The following WWOX variants were observed in gnomAD, a reference collection of about 807,000 sequenced individuals.
The protein encoded by WWOX is WW domain-containing oxidoreductase.
In WWOX, 69 loss-of-function variants were observed where a neutral mutation model predicts 46.2. That is an observed-to-expected ratio of 1.49 (90% CI 1.23 to 1.82). The LOEUF (loss-of-function observed/expected upper bound fraction) is 1.82, where lower values mean the gene tolerates loss of function less well. WWOX is among the 40% of genes most tolerant of loss of function. The pLI is 0.00. For synonymous variants in WWOX, 359 were observed against 202.6 expected (o/e 1.77, Z -6.56); for missense variants, 919 against 542.6 (o/e 1.69, Z -6.89).
intron 8 of WWOX, among the ~76,000 whole-genome samples, chr16:78,887,283 G>A (rs1241403109): frequency 6.6e-6 from 1 of 151,144 alleles, no homozygotes; most frequent in Middle Eastern, 3.2e-3. Flanking sequence ...ATTCCCCTGT[G>A]GATTTCTCCT....
At chr16:79,186,843 TC>T (rs1337698924) in intron 8 of WWOX, among the ~76,000 whole-genome samples, 1 of 152,108 alleles carries the variant, frequency 6.6e-6, no homozygotes, top group Non-Finnish European at 1.5e-5. Context: ...TCACCTTTTC[TC>T]CTTTTCTCCC....
intron 5 of WWOX, among the ~76,000 whole-genome samples, chr16:78,249,640 G>A (rs72790031): frequency 6.6e-6 from 1 of 152,322 alleles, no homozygotes; most frequent in Non-Finnish European, 1.5e-5. Context: ...AACAGTGCAA[G>A]TGGGGAGATC....
At position 78,655,142 on chromosome 16, in the gene WWOX, C is replaced by T. The variant is rs140816691; in HGVS notation, c.1056+222390C>T. ...AAGGAAACTCGGCTCAAACTAGCTT[C>T]GGGGACTCGCTGTGGCCATAGGTGC... On this transcript the variant is annotated intron_variant, in intron 8 of 8. Transcript: ENST00000566780. 3.6e-4 allele frequency among the ~76,000 whole-genome samples: 55 copies of T among 152,146 alleles called. No homozygotes were observed. In the East Asian group the frequency reaches 8.5e-3, roughly 24 times the overall value.
chr16:78,883,132 T>A lies in WWOX; in HGVS notation c.1057-328476T>A, dbSNP rs74486864. On this transcript the variant is annotated intron_variant, in intron 8 of 8. Transcript: ENST00000566780. ...CAGGAAGAATTGATCACCTTTTGGA[T>A]GCCACCACACATGCCTAGGCACAAA... 7.9e-4 allele frequency among the ~76,000 whole-genome samples: 120 copies of A among 152,320 alleles called. No individual in the cohort carries two copies. The East Asian group carries it at 0.02, about 26-fold the overall frequency.
chr16:78,134,160 A>T (rs958272550), intron 4 of WWOX, among the ~76,000 whole-genome samples: 2 of 152,230 alleles, frequency 1.3e-5, no homozygotes, highest in African/African-American at 4.8e-5. Flanking sequence ...CTCAAATATT[A>T]GCATTGGATT....
chr16:78,521,420 A>G (rs1157920543), intron 8 of WWOX, among the ~76,000 whole-genome samples: 2 of 152,104 alleles, frequency 1.3e-5, no homozygotes, highest in African/African-American at 4.8e-5. Flanking sequence ...GCAGAATATC[A>G]GAAACAGAGA....
At chr16:78,697,297 C>G (rs35512879) in intron 8 of WWOX, among the ~76,000 whole-genome samples, 13 of 152,164 alleles carry the variant, frequency 8.5e-5, no homozygotes, top group African/African-American at 2.2e-4. Flanking sequence ...TAGAAGTGTT[C>G]CCTGCTCACC....
intron 8 of WWOX, among the ~76,000 whole-genome samples, chr16:78,677,335 A>G (rs149963025): frequency 2.0e-5 from 3 of 152,316 alleles, no homozygotes; most frequent in Admixed American, 6.5e-5. Flanking sequence ...TGAAAACTCA[A>G]TGTTGAGATT....
intron 8 of WWOX, among the ~76,000 whole-genome samples, chr16:78,668,435 G>C (rs72794801): frequency 0.031 from 4,660 of 152,306 alleles, 95 homozygotes; most frequent in Non-Finnish European, 0.048. Flanking sequence ...GACATTCCAA[G>C]ATTCCATTCT....
At chr16:78,941,598 G>A (rs554244096) in intron 8 of WWOX, among the ~76,000 whole-genome samples, 1 of 152,046 alleles carries the variant, frequency 6.6e-6, no homozygotes, top group African/African-American at 2.4e-5. Context: ...CCCACAGTGA[G>A]GTACACCTTT....
chr16:78,121,863 G>A lies in WWOX; in HGVS notation c.409+6709G>A, dbSNP rs574301321. On this transcript the variant is annotated intron_variant, in intron 4 of 8. Transcript: ENST00000566780. ...TTTAGTAGAGACAAGGTTTTGCCAT[G>A]TTGTCCATACAGGTCTTGAACTCCT... Among the ~76,000 whole-genome samples, 116 of 152,110 alleles carry A rather than the reference G, an allele frequency of 7.6e-4. 1 individual carries two copies. The highest frequency in any genetic ancestry group is 1.4e-3 in the Non-Finnish European group (92 of 68,012).
intron 8 of WWOX, among the ~76,000 whole-genome samples, chr16:78,440,807 C>T (rs914524145): frequency 3.9e-5 from 6 of 151,958 alleles, no homozygotes. Context: ...TTAGTAGAAG[C>T]GGGGTTTCAA....
At chr16:78,693,316 C>T (rs1359290887) in intron 8 of WWOX, among the ~76,000 whole-genome samples, 2 of 152,134 alleles carry the variant, frequency 1.3e-5, no homozygotes, top group Non-Finnish European at 2.9e-5. Context: ...CCCACAGGAC[C>T]CTCTGCATAT....
intron 8 of WWOX, among the ~76,000 whole-genome samples, chr16:78,725,817 G>C (rs1030674420): frequency 5.3e-5 from 8 of 151,942 alleles, no homozygotes; most frequent in African/African-American, 1.9e-4. Context: ...CATTGCGGGC[G>C]GTGCTTGGTG....
At chr16:78,992,478 A>G (rs1339575169) in intron 8 of WWOX, among the ~76,000 whole-genome samples, 2 of 152,114 alleles carry the variant, frequency 1.3e-5, no homozygotes, top group East Asian at 3.9e-4. Context: ...AAAAAACAAA[A>G]CAAAACAAAA....
chr16:78,671,846 A>G (rs1172453505), intron 8 of WWOX, among the ~76,000 whole-genome samples: 2 of 152,188 alleles, frequency 1.3e-5, no homozygotes, highest in Non-Finnish European at 2.9e-5. Flanking sequence ...AGAAAAATAC[A>G]TGTCAATTAA....
At chr16:78,105,305 T>C (rs1207899184) in intron 1 of WWOX, among the ~76,000 whole-genome samples, 1 of 152,080 alleles carries the variant, frequency 6.6e-6, no homozygotes. Flanking sequence ...CTACTAAAAA[T>C]ACAAAAATTA....
At chr16:79,147,187 C>T (rs570528333) in intron 8 of WWOX, among the ~76,000 whole-genome samples, 4 of 152,312 alleles carry the variant, frequency 2.6e-5, no homozygotes, top group South Asian at 4.1e-4. Flanking sequence ...TACATCAAGA[C>T]AGTGAACAGT....
intron 6 of WWOX, among the ~76,000 whole-genome samples, chr16:78,414,895 CAA>C (rs1474469953): frequency 6.6e-6 from 1 of 151,934 alleles, no homozygotes; most frequent in Non-Finnish European, 1.5e-5. Context: ...ATCTAGACCC[CAA>C]GAGAGAGTTG....
Sources: allele counts gnomAD v4.1 joint callset (sites outside exome capture counted in the v4.1 genomes callset), GRCh38; gene constraint gnomAD v4.1.1; transcripts MANE v1.5; gene names NCBI Gene and HGNC (gene_info 2026-07-23, HGNC 2026-07-21).